Variants in FCHSD2 observed in about 807,000 individuals in gnomAD.
The protein encoded by FCHSD2 is F-BAR and double SH3 domains protein 2.
In FCHSD2, 38 loss-of-function variants were observed where a neutral mutation model predicts 108.1. The ratio of observed to expected loss-of-function variants is 0.35; its 90% CI spans 0.27 to 0.46. The LOEUF (loss-of-function observed/expected upper bound fraction) is 0.46, where lower values mean the gene tolerates loss of function less well. Ranked by LOEUF, FCHSD2 falls within the 20% of genes least tolerant of loss-of-function variation. The probability of loss-of-function intolerance (pLI) is 1.00; values close to 1 mark genes in which losing one functional copy is unlikely to be tolerated. For synonymous variants in FCHSD2, 279 were observed against 314.7 expected, an observed-to-expected ratio of 0.89 and a Z score of 1.20; for missense variants, 751 against 897.8, an observed-to-expected ratio of 0.84 and a Z score of 2.09.
chr11:72,900,579 C>T (rs1344498012), intron 10 of FCHSD2, among the ~76,000 whole-genome samples: 2 of 152,004 alleles, frequency 1.3e-5, no homozygotes, highest in African/African-American at 4.8e-5. Context: ...TGTCTATACC[C>T]TGTATCTTCT....
In FCHSD2 at chr11:72,838,207, G is replaced by T. The variant is rs192289484; in HGVS notation, c.*584C>A. ...TCTGTTAGTTGTGGAAGAGATGTGC[G>T]TTAATGCAATTGGTGCTAAATTCAG... is the stretch of plus-strand genomic sequence containing the variant. On this transcript the variant is annotated 3_prime_UTR_variant, in exon 20 of 20. Coordinates refer to ENST00000409418, the MANE Select transcript of FCHSD2 (RefSeq NM_014824.3). The T allele has an allele frequency of 6.5e-6, 1 of 152,910 alleles. No homozygotes were observed. Among genetic ancestry groups the T allele is most frequent in the South Asian group, 2.1e-4 (1 of 4,854 alleles). The allele number at this position is 152,910 out of a possible 1,614,324, so 9.5% of individuals were successfully genotyped here. A position where few individuals can be genotyped will look rare whatever the true frequency, so the allele number is the denominator to read the frequency against.
intron 2 of FCHSD2, among the ~76,000 whole-genome samples, chr11:73,129,107 T>C (rs889353688): frequency 1.3e-5 from 2 of 151,956 alleles, no homozygotes; most frequent in African/African-American, 4.8e-5. Context: ...TCCTGACTTC[T>C]TGATCTGCCC....
chr11:73,097,444 C>CT, intron 2 of FCHSD2, among the ~76,000 whole-genome samples: 2 of 149,574 alleles, frequency 1.3e-5, no homozygotes, highest in Admixed American at 1.3e-4. Flanking sequence ...CTTCTGGTAT[C>CT]TGTTTGATTT....
At chr11:72,916,118 C>T (rs1855868476) in intron 9 of FCHSD2, among the ~76,000 whole-genome samples, 1 of 151,852 alleles carries the variant, frequency 6.6e-6, no homozygotes, top group Admixed American at 6.6e-5. Flanking sequence ...GGGTACTAGG[C>T]TTAATACGTG....
At chr11:73,051,913 ACACCC>A (rs1176390266) in intron 3 of FCHSD2, among the ~76,000 whole-genome samples, 4 of 117,926 alleles carry the variant, frequency 3.4e-5, no homozygotes, top group East Asian at 2.4e-4. Context: ...ACACACACAC[ACACCC>A]CACACACACT....
intron 2 of FCHSD2, among the ~76,000 whole-genome samples, chr11:73,095,760 T>G (rs923181022): frequency 2.6e-5 from 4 of 152,034 alleles, no homozygotes; most frequent in Non-Finnish European, 5.9e-5. Context: ...GTTCATAGTT[T>G]GAAGAAGTAG....
intron 2 of FCHSD2, among the ~76,000 whole-genome samples, chr11:73,084,333 G>C (rs1185944610): frequency 6.6e-6 from 1 of 152,192 alleles, no homozygotes; most frequent in Non-Finnish European, 1.5e-5. Context: ...GGTATGATGA[G>C]AGCACACTTT....
chr11:72,923,830 T>C (rs949624730), intron 8 of FCHSD2, among the ~76,000 whole-genome samples: 33 of 152,240 alleles, frequency 2.2e-4, no homozygotes, highest in African/African-American at 7.5e-4. Flanking sequence ...TCCCAGCTAC[T>C]TGGCAGGCTG....
intron 2 of FCHSD2, among the ~76,000 whole-genome samples, chr11:73,128,605 A>C (rs953593914): frequency 2.0e-5 from 3 of 152,228 alleles, no homozygotes; most frequent in African/African-American, 4.8e-5. Context: ...AAAGGTAGGA[A>C]AAATTTGCAT....
At chr11:73,003,151 G>T (rs1857660769) in intron 4 of FCHSD2, among the ~76,000 whole-genome samples, 1 of 152,154 alleles carries the variant, frequency 6.6e-6, no homozygotes, top group African/African-American at 2.4e-5. Flanking sequence ...ACCATGAAAA[G>T]CACAGAATTC....
At chr11:72,893,522 C>A (rs1032467389) in intron 10 of FCHSD2, among the ~76,000 whole-genome samples, 2 of 152,014 alleles carry the variant, frequency 1.3e-5, no homozygotes, top group Non-Finnish European at 2.9e-5. Flanking sequence ...CACTATGTTG[C>A]CTAGGCCATC....
chr11:73,077,227 C>T (rs919317186), intron 3 of FCHSD2, among the ~76,000 whole-genome samples: 1 of 150,658 alleles, frequency 6.6e-6, no homozygotes, highest in Non-Finnish European at 1.5e-5. Context: ...CCAAACAACC[C>T]AATTTAAAAA....
chr11:72,985,259 G>T (rs1857289038), intron 6 of FCHSD2, 143 bp from the exon 7 acceptor site: 3 of 188,834 alleles, frequency 1.6e-5, no homozygotes, highest in Non-Finnish European at 2.2e-5. Flanking sequence ...AAAACCAAGA[G>T]TAATGATTAT....
chr11:72,882,277 A>AT (rs1297382773), intron 12 of FCHSD2, among the ~76,000 whole-genome samples: 2 of 151,962 alleles, frequency 1.3e-5, no homozygotes, highest in Non-Finnish European at 2.9e-5. Flanking sequence ...CCTGTCTTTT[A>AT]TTACAAGTAA....
intron 19 of FCHSD2, among the ~76,000 whole-genome samples, chr11:72,840,478 C>T (rs905404613): frequency 3.9e-5 from 6 of 152,154 alleles, no homozygotes; most frequent in East Asian, 1.9e-4. Flanking sequence ...GGAGAATAAA[C>T]GCTCTTTAAG....
At position 72,989,083 on chromosome 11, in the gene FCHSD2, C is replaced by G. The variant is rs1357415883; in HGVS notation, c.402G>C (p.Leu134Phe). The change falls in exon 6 of 20, where the codon TTG (leucine) becomes TTC (phenylalanine). Residue 134 changes from leucine (L) to phenylalanine (F), a missense_variant. Coordinates refer to ENST00000409418, the MANE Select transcript of FCHSD2 (RefSeq NM_014824.3). ...CTTGTAATTCAGTTTGGATCTTTGTCAACTGGTCCACACACTGTAAAATAC... is the reference window on the plus strand; with the variant it reads ...CTTGTAATTCAGTTTGGATCTTTGTGAACTGGTCCACACACTGTAAAATAC... ...EQQLKRCVDQ[L>F]TKIQTELQET... 1 of 1,607,936 alleles carries G rather than the reference C, an allele frequency of 6.2e-7. No individual in the cohort carries two copies. Among genetic ancestry groups the G allele is most frequent in the South Asian group, 1.1e-5 (1 of 90,352 alleles).
chr11:73,006,753 G>C (rs911037238), intron 4 of FCHSD2, among the ~76,000 whole-genome samples: 2 of 152,206 alleles, frequency 1.3e-5, no homozygotes, highest in African/African-American at 4.8e-5. Context: ...TTTACTGTTT[G>C]TCTTCCCTCA....
chr11:72,871,963 C>A (rs190163953), intron 12 of FCHSD2, among the ~76,000 whole-genome samples: 30 of 152,020 alleles, frequency 2.0e-4, no homozygotes, highest in African/African-American at 6.5e-4. Context: ...TATGTTCTGA[C>A]TTGTATCACT....
At chr11:72,958,448 G>T (rs1856756098) in intron 8 of FCHSD2, among the ~76,000 whole-genome samples, 1 of 152,208 alleles carries the variant, frequency 6.6e-6, no homozygotes, top group South Asian at 2.1e-4. Context: ...AACCCAGGAG[G>T]CGGAGGCTGC....
Sources: allele counts gnomAD v4.1 joint callset (sites outside exome capture counted in the v4.1 genomes callset), GRCh38; gene constraint gnomAD v4.1.1; transcripts MANE v1.5; gene names NCBI Gene and HGNC (gene_info 2026-07-23, HGNC 2026-07-21).